The following NUP155 variants were observed in gnomAD, a reference collection of about 807,000 sequenced individuals.
The protein encoded by NUP155 is nuclear pore complex protein Nup155.
NUP155 carries 71 observed loss-of-function variants against 180.4 expected under a neutral mutation model. The observed-to-expected ratio is 0.39, with a 90% CI of 0.33 to 0.48. The LOEUF (loss-of-function observed/expected upper bound fraction) is 0.48, where lower values mean the gene tolerates loss of function less well. NUP155 is among the 20% of genes least tolerant of loss of function. The pLI is 0.91. For missense variants in NUP155, 1,553 were observed against 1,648.9 expected (o/e 0.94, Z 1.01); for synonymous variants, 582 against 559.5 (o/e 1.04, Z -0.57).
Position 37,348,743 on chromosome 5 carries a change from T to A in NUP155, c.904-147A>T, listed in dbSNP as rs1437974473. Reference sequence around the variant, plus strand: ...TCGAAATTTCATAGAAAGGGGACCCTTCTGAGAAGTGAGTTGGGCTTTTTT... The same window carrying A: ...TCGAAATTTCATAGAAAGGGGACCCATCTGAGAAGTGAGTTGGGCTTTTTT... On this transcript the variant is annotated intron_variant, in intron 8 of 34. Coordinates refer to ENST00000231498, the MANE Select transcript of NUP155 (RefSeq NM_153485.3). 6.1e-6 allele frequency: 4 copies of A among 651,562 alleles called. No individual in the cohort carries two copies. The East Asian group carries it at 1.1e-4, about 18-fold the overall frequency. 40.4% of individuals were successfully genotyped at this position (651,562 alleles called of 1,614,324 possible).
At chr5:37,297,833 A>G (rs1431564652) in intron 32 of NUP155, among the ~76,000 whole-genome samples, 2 of 152,100 alleles carry the variant, frequency 1.3e-5, no homozygotes, top group Non-Finnish European at 2.9e-5. Context: ...TTATACCTAC[A>G]AAAGTAAGGG....
At chr5:37,327,212 C>T (rs990361362) in intron 18 of NUP155, 1 of 269,374 alleles carries the variant, frequency 3.7e-6, no homozygotes, top group South Asian at 4.1e-5. Flanking sequence ...CTACACCATG[C>T]AAAAGTTAAA....
chr5:37,317,887 G>C (rs372246291), intron 21 of NUP155, 101 bp downstream of exon 21: 14 of 791,566 alleles, frequency 1.8e-5, no homozygotes, highest in South Asian at 1.8e-4. Flanking sequence ...AAATATTTGT[G>C]TACAAAGTAC....
At chr5:37,345,377 G>A (rs1208922370) in intron 9 of NUP155, among the ~76,000 whole-genome samples, 6 of 151,674 alleles carry the variant, frequency 4.0e-5, no homozygotes, top group East Asian at 1.9e-4. Context: ...ATGTGGTGGC[G>A]CACGTCTGTG....
intron 34 of NUP155, among the ~76,000 whole-genome samples, 156 bp from the exon 35 acceptor site, chr5:37,292,194 G>A (rs181581400): frequency 1.3e-5 from 2 of 152,144 alleles, no homozygotes; most frequent in African/African-American, 4.8e-5. Context: ...GAAAACTTGG[G>A]TGTAGGTGGG....
intron 24 of NUP155, among the ~76,000 whole-genome samples, chr5:37,308,723 AT>A (rs1743326860): frequency 6.6e-6 from 1 of 151,212 alleles, no homozygotes; most frequent in South Asian, 2.1e-4. Flanking sequence ...AAATAAAAAA[AT>A]AAAAAATTAG....
chr5:37,309,391 T>G, intron 23 of NUP155, 124 bp from the exon 24 acceptor site: 1 of 801,582 alleles, frequency 1.2e-6, no homozygotes. Context: ...TGAAAACAAC[T>G]CTACAAACTT....
chr5:37,351,893 T>TGC (rs1052551073), intron 5 of NUP155, among the ~76,000 whole-genome samples: 4 of 151,556 alleles, frequency 2.6e-5, no homozygotes, highest in Non-Finnish European at 5.9e-5. Flanking sequence ...TGTGTGTGTG[T>TGC]GCCTGTGTGT....
intron 32 of NUP155, among the ~76,000 whole-genome samples, chr5:37,296,917 C>T (rs216397): frequency 0.027 from 4,097 of 152,108 alleles, 199 homozygotes; most frequent in African/African-American, 0.093. Context: ...TGGTTCGCAC[C>T]TATAATCCCA....
intron 11 of NUP155, among the ~76,000 whole-genome samples, chr5:37,339,307 CAA>C (rs1283751834): frequency 4.6e-4 from 29 of 63,246 alleles, no homozygotes; most frequent in Middle Eastern, 9.1e-3. Context: ...GACACTGTCT[CAA>C]AAAAAAAAAA....
chr5:37,348,663 CTTTT>C, intron 8 of NUP155, 67 bp from the exon 9 acceptor site: 2 of 912,090 alleles, frequency 2.2e-6, no homozygotes, highest in Non-Finnish European at 3.6e-6. Context: ...TAAACTCTTT[CTTTT>C]AAGGGATCCT....
intron 12 of NUP155, among the ~76,000 whole-genome samples, chr5:37,334,814 A>G (rs1745212459): frequency 6.6e-6 from 1 of 152,218 alleles, no homozygotes; most frequent in East Asian, 1.9e-4. Context: ...ACTACCTTCT[A>G]CCATCTTTCC....
chr5:37,333,540 T>C lies in NUP155; in HGVS notation c.1441A>G (p.Ile481Val), dbSNP rs770951524. ...KIITPLNKDHIPITDSPVVVQ... is the reference protein window; with the variant it reads ...KIITPLNKDHVPITDSPVVVQ... The stretch of plus-strand genomic sequence containing the variant: ...ACAACTGGTGAATCAGTTATTGGAA[T>C]ATGATCCTTGTTTAAAGGTGTAATT... Residue 481 changes from isoleucine (I) to valine (V), a missense_variant, in exon 13 of 35, where the codon ATT becomes GTT. By Grantham distance (29) the Ile-to-Val change is conservative. Coordinates refer to ENST00000231498, the MANE Select transcript of NUP155 (RefSeq NM_153485.3). 6.2e-7 allele frequency: 1 copy of C among 1,614,006 alleles called. No individual in the cohort carries two copies. The highest frequency in any genetic ancestry group is 1.1e-5 in the South Asian group (1 of 91,090).
intron 12 of NUP155, among the ~76,000 whole-genome samples, chr5:37,333,974 T>C (rs1248967606): frequency 6.6e-6 from 1 of 151,920 alleles, no homozygotes; most frequent in African/African-American, 2.4e-5. Context: ...GCTAATTTTT[T>C]ATTTTTAGTG....
intron 7 of NUP155, among the ~76,000 whole-genome samples, chr5:37,349,856 T>C (rs1303430606): frequency 6.6e-6 from 1 of 152,192 alleles, no homozygotes; most frequent in Non-Finnish European, 1.5e-5. Flanking sequence ...AACAATGTAT[T>C]AGCTGTCTGA....
Position 37,363,947 on chromosome 5 carries a change from A to T in NUP155, c.333T>A (p.Pro111=), listed in dbSNP as rs754151251. ...QCNCMMGVFP[P]ISRAWLTIDS... ...CAATTGTGAGCCAAGCTCTGCTGAT[A>T]GGAGGGAACACACCCATCATGCAAT... Residue 111 remains proline, a synonymous_variant, in exon 3 of 35, where the codon CCT becomes CCA. Transcript: ENST00000231498. 1 of 1,613,886 alleles carries T rather than the reference A, an allele frequency of 6.2e-7. No homozygotes were observed. Among genetic ancestry groups the T allele is most frequent in the East Asian group, 2.2e-5 (1 of 44,874 alleles).
chr5:37,298,702 A>G (rs1742710056), intron 32 of NUP155, among the ~76,000 whole-genome samples, 166 bp downstream of exon 32: 1 of 152,228 alleles, frequency 6.6e-6, no homozygotes. Context: ...CTTCATTAAC[A>G]AATTCTGCCA....
chr5:37,314,640 G>A (rs372830248), intron 21 of NUP155, among the ~76,000 whole-genome samples: 11 of 151,022 alleles, frequency 7.3e-5, no homozygotes, highest in Admixed American at 4.0e-4. Context: ...GATCGAGACC[G>A]TCCTGGCTAA....
At position 37,292,589 on chromosome 5, in the gene NUP155, T is replaced by TA. The variant is rs1253778710; in HGVS notation, c.4037+289dup. Among the ~76,000 whole-genome samples the TA allele has an allele frequency of 3.9e-5, 6 of 152,220 alleles. No homozygotes were observed. In the East Asian group the frequency reaches 1.2e-3, roughly 29 times the overall value. ...TATTCTTTTTCAAAAGAATATCCCT[T>TA]AAATGGCCAATAATATCACAAAGAC... On this transcript the variant is annotated intron_variant, in intron 34 of 34. Coordinates refer to ENST00000231498, the MANE Select transcript of NUP155 (RefSeq NM_153485.3).
Sources: gnomAD v4.1 joint callset for allele counts (sites outside exome capture counted in the v4.1 genomes callset) on GRCh38, gnomAD v4.1.1 for gene constraint, MANE v1.5 for transcripts, NCBI Gene and HGNC (gene_info 2026-07-23, HGNC 2026-07-21) for gene names.